The following WDR19 variants were observed in gnomAD, a reference collection of about 807,000 sequenced individuals.
WDR19 encodes WD repeat-containing protein 19.
In WDR19, 121 loss-of-function variants were observed where a neutral mutation model predicts 180.0. The ratio of observed to expected loss-of-function variants is 0.67; its 90% confidence interval spans 0.58 to 0.78. WDR19 has a LOEUF of 0.78. Ranked by LOEUF, WDR19 falls within the 30% of genes least tolerant of loss-of-function variation. The pLI is 0.00. For synonymous variants in WDR19, 497 were observed against 540.7 expected (o/e 0.92, Z 1.12); for missense variants, 1,450 against 1,640.7 (o/e 0.88, Z 2.01).
rs1736141772 is a variant in WDR19, at chr4:39,278,545, A to G, written c.3924A>G (p.Leu1308=). 1 of 1,611,694 alleles carries G rather than the reference A, an allele frequency of 6.2e-7. No homozygotes were observed. The highest frequency in any genetic ancestry group is 1.3e-5 in the African/African-American group (1 of 74,900). ...PALYSELKIM[L]NTESTCPMCS... ...CTTTCCCTCCCCTAAACAGCATGCT[A>G]AACACTGAAAGCACATGTCCTATGT... The change falls in exon 36 of 37, where the codon CTA becomes CTG. Residue 1308 remains leucine (L), a synonymous_variant. Coordinates refer to ENST00000399820, the MANE Select transcript of WDR19 (RefSeq NM_025132.4).
intron 24 of WDR19, among the ~76,000 whole-genome samples, chr4:39,247,632 A>G (rs1732668206): frequency 6.6e-6 from 1 of 152,238 alleles, no homozygotes; most frequent in Non-Finnish European, 1.5e-5. Flanking sequence ...ATGGATAACT[A>G]GAATAACCAA....
chr4:39,219,225 G>A (rs1326639518), intron 14 of WDR19: 1 of 152,090 alleles, frequency 6.6e-6, no homozygotes, highest in Non-Finnish European at 1.5e-5. Flanking sequence ...ATAATTATAT[G>A]TGCTATACTT....
chr4:39,240,302 C>T lies in WDR19; in HGVS notation c.2389C>T (p.His797Tyr), dbSNP rs1430090396. The T allele has an allele frequency of 1.4e-6, 2 of 1,419,380 alleles. No individual in the cohort carries two copies. Among genetic ancestry groups the T allele is most frequent in the South Asian group, 1.7e-5 (1 of 58,114 alleles). The allele number at this position is 1,419,380 out of a possible 1,614,324, so 87.9% of individuals were successfully genotyped here. A position where few individuals can be genotyped will look rare whatever the true frequency, so the allele number is the denominator to read the frequency against. ...FAGDYVNALA[H>Y]YEKGITGDNK... ...GGGTGATTATGTAAATGCTTTGGCTCATTATGAGAAAGGAATAACAGGTGA... is the reference window on the plus strand; with the variant it reads ...GGGTGATTATGTAAATGCTTTGGCTTATTATGAGAAAGGAATAACAGGTGA... The change falls in exon 21 of 37, where the codon CAT becomes TAT. Residue 797 changes from histidine to tyrosine, a missense_variant. Physicochemically the swap from His to Tyr is moderately conservative, Grantham distance 83. Coordinates refer to ENST00000399820, the MANE Select transcript of WDR19 (RefSeq NM_025132.4).
chr4:39,210,613 G>A (rs892764455), intron 9 of WDR19, among the ~76,000 whole-genome samples: 1 of 152,110 alleles, frequency 6.6e-6, no homozygotes, highest in Admixed American at 6.5e-5. Context: ...GTTTGAGGTT[G>A]CAGTGAGCTG....
chr4:39,217,813 C>A (rs1341917672), intron 13 of WDR19, among the ~76,000 whole-genome samples, 170 bp from the exon 14 acceptor site: 1 of 152,196 alleles, frequency 6.6e-6, no homozygotes, highest in Non-Finnish European at 1.5e-5. Flanking sequence ...ATCTGTGCTA[C>A]CTTGCTGGCA....
At chr4:39,264,081 G>A (rs11096988) in intron 28 of WDR19, among the ~76,000 whole-genome samples, 69,920 of 152,070 alleles carry the variant, frequency 0.46, 18,719 homozygotes, top group East Asian at 0.62. Flanking sequence ...TGACAGTCCT[G>A]TCTACTTGGC....
chr4:39,240,403 T>C, intron 21 of WDR19, 69 bp downstream of exon 21: 3 of 997,722 alleles, frequency 3.0e-6, no homozygotes, highest in Non-Finnish European at 4.1e-6. Context: ...TTTTTAAAAA[T>C]CATGGTCTTA....
chr4:39,283,411 T>C (rs1010605029), intron 36 of WDR19, among the ~76,000 whole-genome samples: 1 of 152,212 alleles, frequency 6.6e-6, no homozygotes, highest in Admixed American at 6.5e-5. Context: ...TCAAGTGTTA[T>C]TATCAGGCTG....
chr4:39,226,793 T>A (rs1375652231), intron 15 of WDR19, among the ~76,000 whole-genome samples: 1 of 152,220 alleles, frequency 6.6e-6, no homozygotes, highest in Non-Finnish European at 1.5e-5. Context: ...TAATTAAAAA[T>A]TTTCTATTAG....
At chr4:39,198,557 T>A (rs994126169) in intron 5 of WDR19, among the ~76,000 whole-genome samples, 1 of 146,960 alleles carries the variant, frequency 6.8e-6, no homozygotes, top group Non-Finnish European at 1.5e-5. Context: ...CGAGACTCCG[T>A]CTCAAAAAAA....
chr4:39,215,854 G>A lies in WDR19; in HGVS notation c.975G>A (p.Leu325=), dbSNP rs774893867. The A allele has an allele frequency of 1.2e-6, 2 of 1,613,032 alleles. No individual in the cohort carries two copies. The highest frequency in any genetic ancestry group is 1.1e-5 in the South Asian group (1 of 90,864). ...LDEENKGLGT[L]SWTDDGQLLA... ...CGATTATTTCAGGATTGGGTACCTTGTCCTGGACTGATGATGGCCAGTTGC... is the reference window on the plus strand; with the variant it reads ...CGATTATTTCAGGATTGGGTACCTTATCCTGGACTGATGATGGCCAGTTGC... Residue 325 remains leucine (L), a synonymous_variant, in exon 11 of 37, where the codon TTG becomes TTA. Coordinates refer to ENST00000399820, the MANE Select transcript of WDR19 (RefSeq NM_025132.4).
At chr4:39,224,463 C>T (rs931786138) in intron 14 of WDR19, among the ~76,000 whole-genome samples, 5 of 152,084 alleles carry the variant, frequency 3.3e-5, no homozygotes, top group Non-Finnish European at 5.9e-5. Flanking sequence ...TCACTGCAAC[C>T]TCTGCCTCCT....
chr4:39,212,445 A>G (rs1728643244), intron 9 of WDR19, among the ~76,000 whole-genome samples: 1 of 152,238 alleles, frequency 6.6e-6, no homozygotes, highest in Non-Finnish European at 1.5e-5. Flanking sequence ...AAAAATTGAT[A>G]AAGTAGATTT....
intron 1 of WDR19, among the ~76,000 whole-genome samples, chr4:39,185,437 T>C (rs968404015): frequency 6.6e-6 from 1 of 152,222 alleles, no homozygotes; most frequent in Non-Finnish European, 1.5e-5. Context: ...TAAAATTACA[T>C]ATTTTTGTAA....
chr4:39,224,337 TGTTTAATCACAG>T (rs1365521568), intron 14 of WDR19, among the ~76,000 whole-genome samples: 16 of 152,252 alleles, frequency 1.1e-4, no homozygotes, highest in Non-Finnish European at 1.9e-4. Flanking sequence ...ATTAATAGAC[TGTTTAATCACAG>T]GTACAGTCCC....
chr4:39,280,666 C>T (rs1472853474), intron 36 of WDR19, among the ~76,000 whole-genome samples: 1 of 151,620 alleles, frequency 6.6e-6, no homozygotes, highest in Admixed American at 6.6e-5. Context: ...ACCAATCAAC[C>T]ATTGTGTAAA....
chr4:39,232,228 C>T lies in WDR19; in HGVS notation c.2209C>T (p.Gln737Ter). 1 of 1,613,654 alleles carries T rather than the reference C, an allele frequency of 6.2e-7. No homozygotes were observed. Among genetic ancestry groups the T allele is most frequent in the Non-Finnish European group, 8.5e-7 (1 of 1,179,794 alleles). Residue 737 changes from glutamine to a stop codon, truncating the protein, a stop_gained, in exon 19 of 37, where the codon CAG (glutamine) becomes TAG (stop). Coordinates refer to ENST00000399820, the MANE Select transcript of WDR19 (RefSeq NM_025132.4). LOFTEE classifies it high-confidence loss of function. Reference sequence around the variant, plus strand: ...GTTTACCAACGATTATAACCTGGCTCAGGACTTGTACCTTGCATCCAGCTG... The same window carrying T: ...GTTTACCAACGATTATAACCTGGCTTAGGACTTGTACCTTGCATCCAGCTG... ...AMFTNDYNLA[Q>*]DLYLASSCPI...
At chr4:39,218,302 A>G in intron 14 of WDR19, 197 bp downstream of exon 14, 1 of 696,166 alleles carries the variant, frequency 1.4e-6, no homozygotes, top group Non-Finnish European at 2.3e-6. Context: ...TCATTGGGCA[A>G]TTTCATCATT....
chr4:39,229,685 C>T (rs1238185886), intron 17 of WDR19, among the ~76,000 whole-genome samples: 1 of 152,060 alleles, frequency 6.6e-6, no homozygotes, highest in African/African-American at 2.4e-5. Flanking sequence ...TCTAATTATT[C>T]TTCCTGAGTG....
Sources: allele counts gnomAD v4.1 joint callset (sites outside exome capture counted in the v4.1 genomes callset), GRCh38; gene constraint gnomAD v4.1.1; transcripts MANE v1.5; gene names NCBI Gene and HGNC (gene_info 2026-07-23, HGNC 2026-07-21).